ZNF583: variants seen among roughly 807,000 people sequenced by gnomAD.
ZNF583 encodes zinc finger protein 583.
In ZNF583, 30 loss-of-function variants were observed where a neutral mutation model predicts 55.3. That is an observed-to-expected ratio of 0.54 (90% CI 0.41 to 0.74). The LOEUF is 0.74. ZNF583 is among the 30% of genes least tolerant of loss of function. The pLI, the probability that ZNF583 is intolerant of heterozygous loss-of-function variation, is 0.00. For missense variants in ZNF583, 504 were observed against 664.7 expected, an observed-to-expected ratio of 0.76 and a Z score of 2.66; for synonymous variants, 208 against 220.0, an observed-to-expected ratio of 0.95 and a Z score of 0.48.
Position 56,423,568 on chromosome 19 carries a change from G to A in ZNF583, c.910G>A (p.Ala304Thr). 4 of 1,613,864 alleles carry A rather than the reference G, an allele frequency of 2.5e-6. No homozygotes were observed. The highest frequency in any genetic ancestry group is 2.5e-6 in the Non-Finnish European group (3 of 1,179,956). The change falls in exon 5 of 5, where the codon GCC (alanine) becomes ACC (threonine). Residue 304 changes from alanine to threonine, a missense_variant. Ala to Thr is a moderately conservative substitution (Grantham distance 58). Around this residue, in one of 3 missense-constraint regions of ZNF583, gnomAD observed 237 missense variants for 373.0 expected, o/e 0.64. Transcript: ENST00000333201. ...TTATCAGTGTAAAGAATGTAAAAAA[G>A]CCTTCAGCCAGATTGCACACCTGAC... Reference protein sequence around the residue: ...KPYQCKECKKAFSQIAHLTQH... With the variant: ...KPYQCKECKKTFSQIAHLTQH...
intron 4 of ZNF583, chr19:56,414,903 C>A: frequency 6.6e-6 from 1 of 150,966 alleles, no homozygotes; most frequent in South Asian, 2.0e-4. Context: ...CCTGGTGGCA[C>A]GCGCCTGTAA....
intron 2 of ZNF583, among the ~76,000 whole-genome samples, chr19:56,411,498 A>C (rs1349796692): frequency 6.6e-6 from 1 of 152,236 alleles, no homozygotes; most frequent in East Asian, 1.9e-4. Context: ...TCATGTGTGC[A>C]GCTAAAAAAT....
intron 2 of ZNF583, among the ~76,000 whole-genome samples, chr19:56,410,313 T>C (rs996513625): frequency 6.6e-6 from 1 of 152,198 alleles, no homozygotes; most frequent in African/African-American, 2.4e-5. Flanking sequence ...GTTAAGTAAT[T>C]TTGTGAAATC....
chr19:56,407,861 C>T (rs1278728390), intron 2 of ZNF583, among the ~76,000 whole-genome samples: 2 of 152,122 alleles, frequency 1.3e-5, no homozygotes, highest in African/African-American at 2.4e-5. Context: ...ATAATGAAAA[C>T]AGTTGATAGT....
chr19:56,407,131 A>G lies in ZNF583; in HGVS notation c.9+8A>G. 1.2e-6 allele frequency: 2 copies of G among 1,614,074 alleles called. No homozygotes were observed. Among genetic ancestry groups the G allele is most frequent in the South Asian group, 2.2e-5 (2 of 91,064 alleles). On this transcript the variant is annotated splice_region_variant and intron_variant, in intron 2 of 4. Coordinates refer to ENST00000333201, the MANE Select transcript of ZNF583 (RefSeq NM_152478.3). ...CTTAAAGCCATGTCCAAGGTAAGGA[A>G]GCATTTCTTCTCTCTTCCCTAAAAT... is the stretch of plus-strand genomic sequence containing the variant.
At chr19:56,422,356 G>T (rs2042428911) in intron 4 of ZNF583, among the ~76,000 whole-genome samples, 1 of 152,066 alleles carries the variant, frequency 6.6e-6, no homozygotes, top group African/African-American at 2.4e-5. Flanking sequence ...GTTTACATAT[G>T]GTTGGAGTTT....
intron 4 of ZNF583, among the ~76,000 whole-genome samples, chr19:56,415,208 C>T (rs147119790): frequency 1.3e-5 from 2 of 151,874 alleles, no homozygotes; most frequent in Admixed American, 1.3e-4. Flanking sequence ...TATACACCAA[C>T]AAAGAAAAAA....
intron 1 of ZNF583, among the ~76,000 whole-genome samples, chr19:56,405,200 G>A (rs558101664): frequency 2.4e-4 from 36 of 152,184 alleles, no homozygotes; most frequent in African/African-American, 3.6e-4. Flanking sequence ...GTTGGACTAA[G>A]ATTGTATGTG....
intron 1 of ZNF583, among the ~76,000 whole-genome samples, chr19:56,406,215 C>T (rs1220681693): frequency 6.6e-6 from 1 of 152,180 alleles, no homozygotes; most frequent in East Asian, 1.9e-4. Flanking sequence ...CATGGACCCT[C>T]TGATACTCAC....
chr19:56,409,241 T>A (rs1600353998), intron 2 of ZNF583, among the ~76,000 whole-genome samples: 1 of 152,236 alleles, frequency 6.6e-6, no homozygotes, highest in South Asian at 2.1e-4. Flanking sequence ...TATTCCTGAC[T>A]CTTAGAATAG....
chr19:56,418,577 G>A (rs910117748), intron 4 of ZNF583, among the ~76,000 whole-genome samples: 4 of 152,038 alleles, frequency 2.6e-5, no homozygotes, highest in Non-Finnish European at 4.4e-5. Flanking sequence ...GCCACTAGTA[G>A]GCAGAAATGT....
chr19:56,423,708 A>T lies in ZNF583; in HGVS notation c.1050A>T (p.Lys350Asn). The change falls in exon 5 of 5, where the codon AAA (lysine) becomes AAT (asparagine). Residue 350 changes from lysine (K) to asparagine (N), a missense_variant. Coordinates refer to ENST00000333201, the MANE Select transcript of ZNF583 (RefSeq NM_152478.3). The stretch of plus-strand genomic sequence containing the variant: ...ATCAGAGAATTCATACAGGAGAGAA[A>T]CCTTATGTGTGTAATGTGTGTGGGA... The part of the protein sequence containing the change: ...AQHQRIHTGE[K>N]PYVCNVCGKA... The T allele has an allele frequency of 6.2e-7, 1 of 1,613,946 alleles. No homozygotes were observed. Among genetic ancestry groups the T allele is most frequent in the South Asian group, 1.1e-5 (1 of 91,070 alleles).
At position 56,423,923 on chromosome 19, in the gene ZNF583, A is replaced by G. The variant is rs1378513012; in HGVS notation, c.1265A>G (p.Tyr422Cys). 1 of 1,613,858 alleles carries G rather than the reference A, an allele frequency of 6.2e-7. No individual in the cohort carries two copies. The highest frequency in any genetic ancestry group is 1.1e-5 in the South Asian group (1 of 91,064). ...AGGAAAGCCTTCAGCCAAATTGCAT[A>G]CCTTGATCAACATCAGAGGGTTCAT... The part of the protein sequence containing the change: ...VCRKAFSQIA[Y>C]LDQHQRVHTG... The change falls in exon 5 of 5, where the codon TAC becomes TGC. Residue 422 changes from tyrosine (Y) to cysteine (C), a missense_variant. Physicochemically the swap from Tyr to Cys is radical, Grantham distance 194. This residue lies in a region of ZNF583 where 237 missense variants were observed against 373.0 expected (regional missense o/e 0.64). Coordinates refer to ENST00000333201, the MANE Select transcript of ZNF583 (RefSeq NM_152478.3).
rs1346804804 is a variant in ZNF583, at chr19:56,426,477, T to C, written c.*2109T>C. 6.6e-6 allele frequency: 1 copy of C among 152,174 alleles called. No homozygotes were observed. The highest frequency in any genetic ancestry group is 2.4e-5 in the African/African-American group (1 of 41,440). The allele number at this position is 152,174 out of a possible 1,614,324, so 9.4% of individuals were successfully genotyped here. ...AAAGCTTTTATATGATCAAAGATAGTAAAAGATACAATATTTTTTAAACCT... is the reference window on the plus strand; with the variant it reads ...AAAGCTTTTATATGATCAAAGATAGCAAAAGATACAATATTTTTTAAACCT... On this transcript the variant is annotated 3_prime_UTR_variant, in exon 5 of 5. Coordinates refer to ENST00000333201, the MANE Select transcript of ZNF583 (RefSeq NM_152478.3).
At chr19:56,412,969 C>G (rs926236520) in intron 2 of ZNF583, among the ~76,000 whole-genome samples, 71 of 152,138 alleles carry the variant, frequency 4.7e-4, no homozygotes, top group African/African-American at 1.4e-3. Context: ...CTCAAGCATC[C>G]CAGGCAATCC....
chr19:56,423,543 T>A lies in ZNF583; in HGVS notation c.885T>A (p.Pro295=), dbSNP rs1490554080. The change falls in exon 5 of 5, where the codon CCT becomes CCA. Residue 295 remains proline, a synonymous_variant. Transcript: ENST00000333201. ...QHQRVHTGEK[P]YQCKECKKAF... is the part of the protein sequence containing the mutation. ...AGAGAGTTCATACTGGAGAGAAACCTTATCAGTGTAAAGAATGTAAAAAAG... is the reference window on the plus strand; with the variant it reads ...AGAGAGTTCATACTGGAGAGAAACCATATCAGTGTAAAGAATGTAAAAAAG... 3 of 1,612,388 alleles carry A rather than the reference T, an allele frequency of 1.9e-6. No individual in the cohort carries two copies. The East Asian group carries it at 6.7e-5, about 36-fold the overall frequency.
intron 4 of ZNF583, among the ~76,000 whole-genome samples, chr19:56,421,774 C>T (rs1020158896): frequency 3.3e-5 from 5 of 152,004 alleles, no homozygotes; most frequent in African/African-American, 4.8e-5. Context: ...AAAAAAACTT[C>T]CTGCACATGA....
chr19:56,423,984 G>A lies in ZNF583; in HGVS notation c.1326G>A (p.Gly442=). The part of the protein sequence containing the change: ...GEKPYECIEC[G]KAFSNSSSLA... Reference sequence around the variant, plus strand: ...AACCCTATGAATGTATTGAATGTGGGAAGGCCTTTAGCAATAGTTCATCAC... The same window carrying A: ...AACCCTATGAATGTATTGAATGTGGAAAGGCCTTTAGCAATAGTTCATCAC... The change falls in exon 5 of 5, where the codon GGG becomes GGA. Residue 442 remains glycine (G), a synonymous_variant. Coordinates refer to ENST00000333201, the MANE Select transcript of ZNF583 (RefSeq NM_152478.3). 6.2e-7 allele frequency: 1 copy of A among 1,614,032 alleles called. No individual in the cohort carries two copies. Among genetic ancestry groups the A allele is most frequent in the Non-Finnish European group, 8.5e-7 (1 of 1,179,992 alleles).
At chr19:56,406,814 A>G (rs927482063) in intron 1 of ZNF583, among the ~76,000 whole-genome samples, 3 of 152,162 alleles carry the variant, frequency 2.0e-5, no homozygotes, top group African/African-American at 4.8e-5. Context: ...GGCGTGAGCC[A>G]CCGCGCCTGG....
Sources: gnomAD v4.1 joint callset for allele counts (sites outside exome capture counted in the v4.1 genomes callset) on GRCh38, gnomAD v4.1.1 for gene constraint, gnomAD v4.1.1 regional missense constraint, MANE v1.5 for transcripts, NCBI Gene and HGNC (gene_info 2026-07-23, HGNC 2026-07-21) for gene names.